KLRC2: variants seen among roughly 807,000 people sequenced by gnomAD.
The protein encoded by KLRC2 is killer cell lectin like receptor C2.
Under a neutral mutation model 25.5 loss-of-function variants are expected in KLRC2, and 10 were observed. That is an observed-to-expected ratio of 0.39 (90% CI 0.24 to 0.67). The LOEUF (loss-of-function observed/expected upper bound fraction) is 0.67, where lower values mean the gene tolerates loss of function less well. KLRC2 is among the 30% of genes least tolerant of loss of function. KLRC2 has a pLI of 0.45. For synonymous variants in KLRC2, 48 were observed against 93.3 expected, an observed-to-expected ratio of 0.51 and a Z score of 2.80; for missense variants, 170 against 272.8, an observed-to-expected ratio of 0.62 and a Z score of 2.65.
chr12:10,434,262 A>T (rs1863845726), intron 3 of KLRC2: 1 of 584,420 alleles, frequency 1.7e-6, no homozygotes, highest in South Asian at 1.6e-5. Flanking sequence ...TCACAGCAGT[A>T]GGAAACCTCT....
In KLRC2 at chr12:10,433,796, C is replaced by T; in HGVS notation, c.478G>A (p.Glu160Lys). Residue 160 changes from glutamate to lysine, a missense_variant, in exon 4 of 6, where the codon GAA (glutamate) becomes AAA (lysine). Around this residue, in one of 3 missense-constraint regions of KLRC2, gnomAD observed 129 missense variants for 150.2 expected, o/e 0.86. Coordinates refer to ENST00000381902, the MANE Select transcript of KLRC2 (RefSeq NM_002260.4). Reference protein sequence around the residue: ...SSLLSIDNEEEMKFLASILPS... With the variant: ...SSLLSIDNEEKMKFLASILPS... ...TTGAAACATTTACATCTTACCATTT[C>T]TTCTTCATTATCTATAGAAAGCAGA... is the stretch of plus-strand genomic sequence containing the variant. 6.5e-7 allele frequency: 1 copy of T among 1,548,460 alleles called. No individual in the cohort carries two copies. Among genetic ancestry groups the T allele is most frequent in the East Asian group, 2.4e-5 (1 of 42,098 alleles).
At chr12:10,435,530 G>A in intron 1 of KLRC2, 120 bp from the exon 2 acceptor site, 1 of 1,511,894 alleles carries the variant, frequency 6.6e-7, no homozygotes, top group South Asian at 1.2e-5. Context: ...GATAAACTCT[G>A]GCCTCTAAAT....
intron 3 of KLRC2, 25 bp from the exon 4 acceptor site, chr12:10,433,967 T>C: frequency 6.5e-7 from 1 of 1,529,564 alleles, no homozygotes; most frequent in Non-Finnish European, 8.9e-7. Flanking sequence ...AATTACTATC[T>C]AGACCAATAT....
At position 10,431,159 on chromosome 12, in the gene KLRC2, C is replaced by A. The variant is rs541317905; in HGVS notation, c.654G>T (p.Gln218His). 2.6e-6 allele frequency: 4 copies of A among 1,547,970 alleles called. No individual in the cohort carries two copies. The highest frequency in any genetic ancestry group is 2.6e-6 in the Non-Finnish European group (3 of 1,134,058). ...AATGATATATCATTGAAGATCCACA[C>A]TGGGCTGATTTAAGTCGATTTACTT... ...VLQVNRLKSA[Q>H]CGSSMIYHCK... Residue 218 changes from glutamine (Q) to histidine (H), a missense_variant, in exon 6 of 6, where the codon CAG (glutamine) becomes CAT (histidine). Around this residue, in one of 3 missense-constraint regions of KLRC2, gnomAD observed 129 missense variants for 150.2 expected, o/e 0.86. Transcript: ENST00000381902.
Position 10,432,108 on chromosome 12 carries a change from A to T in KLRC2, c.582T>A (p.His194Gln), listed in dbSNP as rs772181046. The T allele has an allele frequency of 1.4e-5, 22 of 1,528,444 alleles. 2 individuals are homozygous for T. In the Middle Eastern group the frequency reaches 5.2e-4, roughly 36 times the overall value. The allele number at this position is 1,528,444 out of a possible 1,614,324, so 94.7% of individuals were successfully genotyped here. Residue 194 changes from histidine (H) to glutamine (Q), a missense_variant and splice_region_variant, in exon 5 of 6, where the codon CAT (histidine) becomes CAA (glutamine). By Grantham distance (24) the His-to-Gln change is conservative (BLOSUM62 0). Around this residue, in one of 3 missense-constraint regions of KLRC2, gnomAD observed 129 missense variants for 150.2 expected, o/e 0.86. Coordinates refer to ENST00000381902, the MANE Select transcript of KLRC2 (RefSeq NM_002260.4). ...TAGCGCCATACAAAAGAACTTACTT[A>T]TGTTTGAAAGCCAAACCATTTATTG... ...WVTINGLAFK[H>Q]KIKDSDNAEL...
intron 2 of KLRC2, among the ~76,000 whole-genome samples, 155 bp from the exon 3 acceptor site, chr12:10,434,685 G>C (rs1863851699): frequency 6.8e-6 from 1 of 147,574 alleles, no homozygotes; most frequent in Non-Finnish European, 1.5e-5. Context: ...TAAAGTAATA[G>C]ACCTTTGAAA....
rs151003297 is a variant in KLRC2, at chr12:10,430,627, G to A, written c.*490C>T. Reference sequence around the variant, plus strand: ...TTTTTTTCTGGATAGCTTTATTGAAGTGTCATGTACAAAGCATACATTTCA... The same window carrying A: ...TTTTTTTCTGGATAGCTTTATTGAAATGTCATGTACAAAGCATACATTTCA... On this transcript the variant is annotated 3_prime_UTR_variant, in exon 6 of 6. Transcript: ENST00000381902. 0.011 allele frequency: 1,493 copies of A among 140,950 alleles called. 203 individuals carry two copies. The highest frequency in any genetic ancestry group is 0.067 in the Middle Eastern group (18 of 270). 8.7% of individuals were successfully genotyped at this position (140,950 alleles called of 1,614,324 possible). A position where few individuals can be genotyped will look rare whatever the true frequency, so the allele number is the denominator to read the frequency against.
At chr12:10,432,246 T>C (rs765056357) in intron 4 of KLRC2, 40 bp from the exon 5 acceptor site, 1 of 1,193,572 alleles carries the variant, frequency 8.4e-7, no homozygotes, top group Admixed American at 2.5e-5. Flanking sequence ...ATAATAATTA[T>C]GAAAACATTA....
chr12:10,434,321 T>A, intron 3 of KLRC2, 165 bp downstream of exon 3: 1 of 608,052 alleles, frequency 1.6e-6, no homozygotes, highest in Non-Finnish European at 3.0e-6. Context: ...GTATTTCTAC[T>A]CACTGGAGAA....
In KLRC2 at chr12:10,434,103, C is replaced by A. The variant is rs1447264815; in HGVS notation, c.332-161G>T. ...TTAATAACTGAGTCAGTCATACACA[C>A]ATGCACAGACAAGGGTTAGCCTCTC... On this transcript the variant is annotated intron_variant, in intron 3 of 5. Transcript: ENST00000381902. 6.0e-6 allele frequency: 7 copies of A among 1,166,068 alleles called. 1 individual carries two copies. The East Asian group carries it at 2.0e-4, about 34-fold the overall frequency. The allele number at this position is 1,166,068 out of a possible 1,614,324, so 72.2% of individuals were successfully genotyped here.
chr12:10,431,208 G>T lies in KLRC2; in HGVS notation c.605C>A (p.Ala202Asp). 1 of 1,547,458 alleles carries T rather than the reference G, an allele frequency of 6.5e-7. No homozygotes were observed. ...TTGTAGCACTGCACAGTTAAGTTCA[G>T]CATTATCTGAGTCTTTTATCCTGTA... ...FKHKIKDSDNAELNCAVLQVN... is the reference protein window; with the variant it reads ...FKHKIKDSDNDELNCAVLQVN... Residue 202 changes from alanine to aspartate, a missense_variant, in exon 6 of 6, where the codon GCT becomes GAT. Transcript: ENST00000381902.
At position 10,433,556 on chromosome 12, in the gene KLRC2, T is replaced by C. The variant is rs574952809; in HGVS notation, c.483+235A>G. Reference sequence around the variant, plus strand: ...CGATAAAATTAGATAGCAAAATTTATTGTGGATTCAAAGCACTTATAGAAG... The same window carrying C: ...CGATAAAATTAGATAGCAAAATTTACTGTGGATTCAAAGCACTTATAGAAG... On this transcript the variant is annotated intron_variant, in intron 4 of 5. Coordinates refer to ENST00000381902, the MANE Select transcript of KLRC2 (RefSeq NM_002260.4). Among the ~76,000 whole-genome samples, 10 of 142,184 alleles carry C rather than the reference T, an allele frequency of 7.0e-5. 2 individuals are homozygous for C. The East Asian group carries it at 1.1e-3, about 15-fold the overall frequency. 93.3% of individuals were successfully genotyped at this position (142,184 alleles called of 152,430 possible).
In KLRC2 at chr12:10,431,211, T is replaced by A. The variant is rs1386874504; in HGVS notation, c.602A>T (p.Asn201Ile). 1.0e-5 allele frequency: 16 copies of A among 1,547,354 alleles called. 2 individuals are homozygous for A. In the Admixed American group the frequency reaches 2.7e-4, roughly 26 times the overall value. The change falls in exon 6 of 6, where the codon AAT (asparagine) becomes ATT (isoleucine). Residue 201 changes from asparagine (N) to isoleucine (I), a missense_variant. By Grantham distance (149) the Asn-to-Ile change is moderately radical. Transcript: ENST00000381902. ...AFKHKIKDSDNAELNCAVLQV... is the reference protein window; with the variant it reads ...AFKHKIKDSDIAELNCAVLQV... ...TAGCACTGCACAGTTAAGTTCAGCA[T>A]TATCTGAGTCTTTTATCCTGTAATG...
intron 3 of KLRC2, 64 bp downstream of exon 3, chr12:10,434,422 T>G: frequency 7.3e-6 from 10 of 1,373,044 alleles, no homozygotes; most frequent in Admixed American, 3.5e-5. Context: ...TTCTTTTACA[T>G]GCCTTAAAAC....
chr12:10,433,713 A>G, intron 4 of KLRC2, 78 bp downstream of exon 4: 3 of 1,360,392 alleles, frequency 2.2e-6, no homozygotes, highest in Non-Finnish European at 3.1e-6. Context: ...ATATGTACAC[A>G]CATATGGATG....
chr12:10,434,590 A>T (rs548604301), intron 2 of KLRC2, 60 bp from the exon 3 acceptor site: 119 of 1,346,282 alleles, frequency 8.8e-5, no homozygotes, highest in Admixed American at 9.4e-5. Context: ...AACCATAACG[A>T]GTTTAGTTTC....
Position 10,431,245 on chromosome 12 carries a change from T to C in KLRC2, c.585-17A>G, listed in dbSNP as rs768657386. On this transcript the variant is annotated splice_polypyrimidine_tract_variant and intron_variant, in intron 5 of 5. Transcript: ENST00000381902. ...TCTTTTATCCTGTAATGGAGAAAAATCCATTTTCTGTTACATTTTAAGCAA... is the reference window on the plus strand; with the variant it reads ...TCTTTTATCCTGTAATGGAGAAAAACCCATTTTCTGTTACATTTTAAGCAA... The C allele has an allele frequency of 1.4e-5, 22 of 1,524,236 alleles. 3 individuals are homozygous for C. Among genetic ancestry groups the C allele is most frequent in the African/African-American group, 3.0e-5 (2 of 67,744 alleles). The allele number at this position is 1,524,236 out of a possible 1,614,324, so 94.4% of individuals were successfully genotyped here. A position where few individuals can be genotyped will look rare whatever the true frequency, so the allele number is the denominator to read the frequency against.
rs1337229369 is a variant in KLRC2 at position 10,434,063 on chromosome 12, T to G, written c.332-121A>C. The G allele has an allele frequency of 8.1e-6, 11 of 1,359,118 alleles. 1 individual carries two copies. Among genetic ancestry groups the G allele is most frequent in the Non-Finnish European group, 1.1e-5 (11 of 1,006,522 alleles). The allele number at this position is 1,359,118 out of a possible 1,614,324, so 84.2% of individuals were successfully genotyped here. On this transcript the variant is annotated intron_variant, in intron 3 of 5. Transcript: ENST00000381902. ...ACATATTTACGCATCCTTACAGGCT[T>G]ATAAATGTATATTTTTAATAACTGA...
intron 5 of KLRC2, among the ~76,000 whole-genome samples, chr12:10,431,700 CA>C (rs1321055560): frequency 1.4e-5 from 2 of 142,034 alleles, no homozygotes; most frequent in Non-Finnish European, 3.1e-5. Context: ...ACTCGCTGCC[CA>C]TGGGCCGCAC....
Sources: gnomAD v4.1 joint callset for allele counts (sites outside exome capture counted in the v4.1 genomes callset) on GRCh38, gnomAD v4.1.1 for gene constraint, gnomAD v4.1.1 regional missense constraint, MANE v1.5 for transcripts, NCBI Gene and HGNC (gene_info 2026-07-23, HGNC 2026-07-21) for gene names.